The following PSMG2 variants were observed in gnomAD, a reference collection of about 807,000 sequenced individuals.
The protein encoded by PSMG2 is proteasome assembly chaperone 2, also known as CD40 ligand-activated specific transcript 3.
Under a neutral mutation model 31.5 loss-of-function variants are expected in PSMG2, and 21 were observed. The ratio of observed to expected loss-of-function variants is 0.67; its 90% CI spans 0.47 to 0.96. The LOEUF (loss-of-function observed/expected upper bound fraction) is 0.96. PSMG2 is among the 40% of genes least tolerant of loss of function. The pLI is 0.00. For synonymous variants in PSMG2, 120 were observed against 110.4 expected (o/e 1.09, Z -0.54); for missense variants, 318 against 321.2 (o/e 0.99, Z 0.08).
chr18:12,672,180 T>C (rs891235262), intron 1 of PSMG2, among the ~76,000 whole-genome samples: 1 of 149,940 alleles, frequency 6.7e-6, no homozygotes, highest in African/African-American at 2.5e-5. Flanking sequence ...AGTGGCGCGA[T>C]CTCACCTCAC....
At chr18:12,706,437 A>G in intron 1 of PSMG2, 113 bp from the exon 2 acceptor site, 2 of 1,118,216 alleles carry the variant, frequency 1.8e-6, no homozygotes, top group South Asian at 1.4e-5. Flanking sequence ...CAGTGAGCCA[A>G]GATCACGCCA....
chr18:12,677,653 T>C (rs1469789328), intron 1 of PSMG2, among the ~76,000 whole-genome samples: 1 of 152,004 alleles, frequency 6.6e-6, no homozygotes, highest in Non-Finnish European at 1.5e-5. Context: ...GAGATGATGT[T>C]TCACCATATT....
At chr18:12,673,462 T>C (rs1389110360) in intron 1 of PSMG2, 8 of 1,588,948 alleles carry the variant, frequency 5.0e-6, no homozygotes, top group Non-Finnish European at 6.0e-6. Context: ...CAGTCGCACT[T>C]GGTCTCCACG....
At chr18:12,703,294 A>G in intron 1 of PSMG2, 130 bp downstream of exon 1, 1 of 1,112,402 alleles carries the variant, frequency 9.0e-7, no homozygotes, top group Non-Finnish European at 1.3e-6. Context: ...TTTCGGCCGG[A>G]AAAAACAGGG....
upstream of PSMG2, chr18:12,699,032 C>T (rs766996601): frequency 6.2e-7 from 1 of 1,613,846 alleles, no homozygotes; most frequent in South Asian, 1.1e-5. Flanking sequence ...ATCTGGTTCA[C>T]AGGCACATGG....
intron 1 of PSMG2, among the ~76,000 whole-genome samples, chr18:12,695,886 T>A (rs937657790): frequency 3.4e-3 from 435 of 126,306 alleles, no homozygotes; most frequent in African/African-American, 0.012. Flanking sequence ...ACACACACAC[T>A]AAAAATTAGA....
In PSMG2 at chr18:12,714,981, TG is replaced by T. The variant is rs2040364260; in HGVS notation, c.288+2224del. 2.0e-5 allele frequency among the ~76,000 whole-genome samples: 3 copies of T among 147,770 alleles called. No individual in the cohort carries two copies. The East Asian group carries it at 6.1e-4, about 30-fold the overall frequency. The stretch of plus-strand genomic sequence containing the variant: ...CACCCACCTCAGCCTCCCAAAGTGC[TG>T]GGATTACAGGCATGAGCCACTGTGC... On this transcript the variant is annotated intron_variant, in intron 3 of 6. Coordinates refer to ENST00000317615, the MANE Select transcript of PSMG2 (RefSeq NM_020232.5).
intron 1 of PSMG2, among the ~76,000 whole-genome samples, chr18:12,660,305 A>G (rs147991778): frequency 4.0e-5 from 6 of 148,718 alleles, no homozygotes; most frequent in Admixed American, 6.8e-5. Flanking sequence ...CCCTCTAATC[A>G]ATGGAAAAAG....
At chr18:12,697,458 G>T in intron 1 of PSMG2, 1 of 1,222,024 alleles carries the variant, frequency 8.2e-7, no homozygotes, top group Non-Finnish European at 1.1e-6. Flanking sequence ...ATTCAGTTAG[G>T]CCAACATAAA....
chr18:12,685,656 C>T (rs1274275516), intron 1 of PSMG2: 2 of 147,078 alleles, frequency 1.4e-5, no homozygotes, highest in African/African-American at 5.0e-5. Context: ...TTTTTTGAGA[C>T]GTGTCTTGCT....
At chr18:12,661,308 C>CA (rs2038691879) in intron 1 of PSMG2, 5 of 956,546 alleles carry the variant, frequency 5.2e-6, no homozygotes, top group Non-Finnish European at 6.2e-6. Flanking sequence ...GCCTTCATCT[C>CA]AAAAAAGAAG....
intron 1 of PSMG2, among the ~76,000 whole-genome samples, chr18:12,704,161 G>T (rs904560709): frequency 6.6e-6 from 1 of 152,206 alleles, no homozygotes; most frequent in African/African-American, 2.4e-5. Context: ...TTTGGATTTA[G>T]CGACATGTTA....
At chr18:12,714,487 CTT>C (rs11331115) in intron 3 of PSMG2, among the ~76,000 whole-genome samples, 63 of 141,368 alleles carry the variant, frequency 4.5e-4, no homozygotes, top group Admixed American at 6.4e-4. Flanking sequence ...TCCTTTCTTC[CTT>C]TTTTTTTTTT....
At chr18:12,667,155 G>A (rs2038820060) in intron 1 of PSMG2, among the ~76,000 whole-genome samples, 1 of 152,126 alleles carries the variant, frequency 6.6e-6, no homozygotes, top group Non-Finnish European at 1.5e-5. Flanking sequence ...AAATTAAAAT[G>A]TTAAATTAGA....
intron 6 of PSMG2, 22 bp from the exon 7 acceptor site, chr18:12,725,417 A>G (rs779925875): frequency 6.6e-7 from 1 of 1,514,330 alleles, no homozygotes; most frequent in Non-Finnish European, 9.1e-7. Flanking sequence ...AAAGATTAAA[A>G]TATTTTGTTC....
chr18:12,705,566 AGAGAGAGAGAGTGT>A (rs2040257814), intron 1 of PSMG2, among the ~76,000 whole-genome samples: 2 of 128,452 alleles, frequency 1.6e-5, no homozygotes, highest in Non-Finnish European at 1.7e-5. Context: ...AGAGAGAGAG[AGAGAGAGAGAGTGT>A]GTGTGTGTGT....
chr18:12,718,507 G>T lies in PSMG2; in HGVS notation c.289-10G>T. ...AGATTTTCTTTTTATTCTCTCAATG[G>T]TGTGCAAAGTATAAATCAAAGCCAT... On this transcript the variant is annotated splice_polypyrimidine_tract_variant and intron_variant, in intron 3 of 6. Transcript: ENST00000317615. 1 of 1,555,990 alleles carries T rather than the reference G, an allele frequency of 6.4e-7. No individual in the cohort carries two copies. Among genetic ancestry groups the T allele is most frequent in the South Asian group, 1.2e-5 (1 of 86,894 alleles).
At chr18:12,694,916 C>T (rs1598656654) in intron 1 of PSMG2, among the ~76,000 whole-genome samples, 2 of 151,514 alleles carry the variant, frequency 1.3e-5, no homozygotes, top group African/African-American at 2.4e-5. Flanking sequence ...GGGGTTTCAC[C>T]GTGTTAGCCA....
intron 3 of PSMG2, among the ~76,000 whole-genome samples, chr18:12,714,228 G>T (rs575899789): frequency 2.6e-5 from 4 of 152,084 alleles, no homozygotes; most frequent in Non-Finnish European, 5.9e-5. Flanking sequence ...TTCCAAGTTC[G>T]CAGGAGCCCC....
Sources: gnomAD v4.1 joint callset for allele counts (sites outside exome capture counted in the v4.1 genomes callset) on GRCh38, gnomAD v4.1.1 for gene constraint, MANE v1.5 for transcripts, NCBI Gene and HGNC (gene_info 2026-07-23, HGNC 2026-07-21) for gene names.